LARP1B: variants seen among roughly 807,000 people sequenced by gnomAD.
LARP1B encodes the protein la-related protein 1B.
LARP1B carries 76 observed loss-of-function variants against 114.2 expected under a neutral mutation model. That is an observed-to-expected ratio of 0.67 (90% CI 0.55 to 0.81). The LOEUF is 0.81. LARP1B is among the 30% of genes least tolerant of loss of function. LARP1B has a pLI of 0.00. For synonymous variants in LARP1B, 345 were observed against 348.0 expected, an observed-to-expected ratio of 0.99 and a Z score of 0.10; for missense variants, 1,014 against 1,075.8, an observed-to-expected ratio of 0.94 and a Z score of 0.80.
At position 128,098,782 on chromosome 4, in the gene LARP1B, T is replaced by A. The variant is rs1375994292; in HGVS notation, c.813+452T>A. Among the ~76,000 whole-genome samples the A allele has an allele frequency of 2.3e-3, 228 of 100,780 alleles. 4 individuals carry two copies. Among genetic ancestry groups the A allele is most frequent in the African/African-American group, 8.0e-3 (218 of 27,354 alleles). 66.1% of individuals were successfully genotyped at this position (100,780 alleles called of 152,430 possible). ...ATATATATATATTTTTTTTTTTTTT[T>A]TTTTTTTTTTTTTAAGACAGTGTCT... On this transcript the variant is annotated intron_variant, in intron 8 of 19. Coordinates refer to ENST00000326639, the MANE Select transcript of LARP1B (RefSeq NM_018078.4).
intron 15 of LARP1B, among the ~76,000 whole-genome samples, chr4:128,193,045 G>C (rs534940312): frequency 1.6e-4 from 25 of 152,110 alleles, no homozygotes; most frequent in African/African-American, 6.0e-4. Context: ...TGTAATTCAG[G>C]CTGGTCTTGA....
intron 1 of LARP1B, chr4:128,061,700 A>G (rs1760167753): frequency 1.0e-6 from 1 of 984,348 alleles, no homozygotes; most frequent in African/African-American, 1.8e-5. Context: ...GACGATGTCT[A>G]CTCGCGCCCC....
intron 11 of LARP1B, among the ~76,000 whole-genome samples, chr4:128,140,224 AG>A (rs1312985500): frequency 6.6e-6 from 1 of 152,202 alleles, no homozygotes; most frequent in Non-Finnish European, 1.5e-5. Flanking sequence ...TGTGTTCACC[AG>A]GAGCAGTATG....
chr4:128,065,340 CTTTTCT>C (rs1762359491), intron 1 of LARP1B, among the ~76,000 whole-genome samples: 4 of 93,176 alleles, frequency 4.3e-5, no homozygotes, highest in African/African-American at 2.0e-4. Flanking sequence ...TCTTTCCTTT[CTTTTCT>C]TTTCTTTTCT....
intron 1 of LARP1B, chr4:128,061,780 G>T (rs1760201720): frequency 6.1e-6 from 6 of 984,898 alleles, no homozygotes; most frequent in Middle Eastern, 5.2e-4. Flanking sequence ...TGTTGGCCGC[G>T]GCGAACCGGC....
intron 12 of LARP1B, among the ~76,000 whole-genome samples, chr4:128,165,207 G>A (rs1300478812): frequency 1.3e-5 from 2 of 151,762 alleles, no homozygotes; most frequent in Non-Finnish European, 2.9e-5. Flanking sequence ...CTAGCATCTG[G>A]AATTTATGTA....
intron 7 of LARP1B, among the ~76,000 whole-genome samples, chr4:128,094,400 C>CTTTTTTTTTTTTTT (rs776529101): frequency 2.3e-5 from 3 of 128,740 alleles, no homozygotes; most frequent in Admixed American, 8.1e-5. Context: ...TTTTCTTTTT[C>CTTTTTTTTTTTTTT]TTTTTTTTTT....
At chr4:128,088,802 GA>G (rs1208199405) in intron 5 of LARP1B, among the ~76,000 whole-genome samples, 1 of 151,796 alleles carries the variant, frequency 6.6e-6, no homozygotes, top group Admixed American at 6.6e-5. Flanking sequence ...GATTAAGGCA[GA>G]AATGTTTGAA....
At position 128,179,469 on chromosome 4, in the gene LARP1B, G is replaced by C; in HGVS notation, c.1960G>C (p.Val654Leu). 6.2e-7 allele frequency: 1 copy of C among 1,610,272 alleles called. No homozygotes were observed. The highest frequency in any genetic ancestry group is 8.5e-7 in the Non-Finnish European group (1 of 1,178,150). Residue 654 changes from valine (V) to leucine (L), a missense_variant, in exon 15 of 20, where the codon GTA (valine) becomes CTA (leucine). Transcript: ENST00000326639. ...NPPLECHVGWVMDSRDRGPGT... is the reference protein window; with the variant it reads ...NPPLECHVGWLMDSRDRGPGT... ...CCCTCTAGAGTGTCATGTTGGTTGG[G>C]TAATGGATTCCAGAGACCGTGGGCC...
At chr4:128,084,296 G>A (rs1351661449) in intron 5 of LARP1B, among the ~76,000 whole-genome samples, 1 of 152,174 alleles carries the variant, frequency 6.6e-6, no homozygotes, top group Non-Finnish European at 1.5e-5. Flanking sequence ...AGGTTGTAGC[G>A]AGCTGAGATC....
At chr4:128,136,254 T>C (rs1725210264) in intron 11 of LARP1B, among the ~76,000 whole-genome samples, 2 of 151,058 alleles carry the variant, frequency 1.3e-5, no homozygotes, top group Admixed American at 1.3e-4. Context: ...GATTGCGCCA[T>C]CGTACTTCAG....
At chr4:128,093,671 C>A (rs1159971929) in intron 7 of LARP1B, among the ~76,000 whole-genome samples, 1 of 150,846 alleles carries the variant, frequency 6.6e-6, no homozygotes, top group Non-Finnish European at 1.5e-5. Context: ...AGTATGAGGC[C>A]TAAACGTATT....
intron 11 of LARP1B, among the ~76,000 whole-genome samples, chr4:128,160,989 A>C (rs1738198496): frequency 1.3e-5 from 2 of 152,200 alleles, no homozygotes; most frequent in South Asian, 4.1e-4. Context: ...ATTTGCTTCA[A>C]CCCGAAAAAT....
intron 15 of LARP1B, among the ~76,000 whole-genome samples, chr4:128,197,090 A>G (rs957419186): frequency 2.0e-5 from 3 of 152,166 alleles, no homozygotes; most frequent in African/African-American, 7.2e-5. Flanking sequence ...TTTGATGGAG[A>G]TGATGAAAAA....
At chr4:128,095,833 C>A (rs187078769) in intron 7 of LARP1B, among the ~76,000 whole-genome samples, 3 of 151,976 alleles carry the variant, frequency 2.0e-5, no homozygotes. Context: ...TGAAAACTTT[C>A]TCTGTGATTT....
intron 7 of LARP1B, among the ~76,000 whole-genome samples, chr4:128,096,097 C>CA: frequency 6.6e-6 from 1 of 151,806 alleles, no homozygotes; most frequent in African/African-American, 2.4e-5. Flanking sequence ...GGGTTCACAC[C>CA]ATTCTCCTGC....
intron 1 of LARP1B, among the ~76,000 whole-genome samples, chr4:128,067,052 C>T (rs1402348674): frequency 6.6e-6 from 1 of 151,962 alleles, no homozygotes; most frequent in Non-Finnish European, 1.5e-5. Context: ...AGTTGATGCG[C>T]CCGCTTCGGC....
At chr4:128,197,203 G>T (rs1754455008) in intron 15 of LARP1B, among the ~76,000 whole-genome samples, 1 of 152,096 alleles carries the variant, frequency 6.6e-6, no homozygotes, top group South Asian at 2.1e-4. Flanking sequence ...TATATATTAT[G>T]TTAGGTATAT....
At chr4:128,213,413 A>T (rs974968704), downstream of LARP1B, among the ~76,000 whole-genome samples, 4 of 152,136 alleles carry the variant, frequency 2.6e-5, no homozygotes, top group Admixed American at 1.3e-4. Context: ...TGATAAATTT[A>T]TGGAGTGTTT....
Sources: gnomAD v4.1 joint callset for allele counts (sites outside exome capture counted in the v4.1 genomes callset) on GRCh38, gnomAD v4.1.1 for gene constraint, MANE v1.5 for transcripts, NCBI Gene and HGNC (gene_info 2026-07-23, HGNC 2026-07-21) for gene names.